ZPBP: variants seen among roughly 807,000 people sequenced by gnomAD.
ZPBP encodes the protein zona pellucida-binding protein 1.
ZPBP carries 26 observed loss-of-function variants against 44.8 expected under a neutral mutation model. The observed-to-expected ratio is 0.58, with a 90% confidence interval of 0.43 to 0.81. ZPBP has a LOEUF of 0.81. Among genes scored for constraint, ZPBP ranks in the 30% least tolerant of loss-of-function variants. ZPBP has a pLI of 0.00. For synonymous variants in ZPBP, 174 were observed against 153.2 expected, an observed-to-expected ratio of 1.14 and a Z score of -1.00; for missense variants, 409 against 434.0, an observed-to-expected ratio of 0.94 and a Z score of 0.51.
chr7:50,088,868 T>G (rs564295623), intron 2 of ZPBP, among the ~76,000 whole-genome samples: 1 of 138,252 alleles, frequency 7.2e-6, no homozygotes, highest in South Asian at 2.1e-4. Context: ...ATATTAAACA[T>G]AGAGTTACTC....
downstream of ZPBP, among the ~76,000 whole-genome samples, chr7:49,936,990 T>C (rs1338061020): frequency 6.6e-6 from 1 of 152,180 alleles, no homozygotes; most frequent in Non-Finnish European, 1.5e-5. Flanking sequence ...TTTAAGATAG[T>C]CACACTGAAC....
At chr7:50,028,201 G>T (rs940019701) in intron 5 of ZPBP, among the ~76,000 whole-genome samples, 1 of 151,768 alleles carries the variant, frequency 6.6e-6, no homozygotes, top group Non-Finnish European at 1.5e-5. Flanking sequence ...ACCAAGTGGG[G>T]TATAATCCAG....
At chr7:49,965,173 A>G (rs1371040288) in intron 7 of ZPBP, among the ~76,000 whole-genome samples, 1 of 152,132 alleles carries the variant, frequency 6.6e-6, no homozygotes, top group Non-Finnish European at 1.5e-5. Context: ...AATGTGTGCA[A>G]AAACAAAGGA....
chr7:50,032,491 A>G (rs968375131), intron 4 of ZPBP, among the ~76,000 whole-genome samples: 1 of 152,152 alleles, frequency 6.6e-6, no homozygotes, highest in Non-Finnish European at 1.5e-5. Context: ...TCTCTGAAAC[A>G]CTGTATCAAA....
At chr7:50,069,427 C>A (rs1310852144) in intron 3 of ZPBP, among the ~76,000 whole-genome samples, 1 of 152,154 alleles carries the variant, frequency 6.6e-6, no homozygotes, top group Non-Finnish European at 1.5e-5. Flanking sequence ...AAGCATTTTA[C>A]AATAAACTGC....
chr7:50,077,581 CA>C (rs1254057230), intron 3 of ZPBP, among the ~76,000 whole-genome samples: 3 of 151,682 alleles, frequency 2.0e-5, no homozygotes, highest in Admixed American at 6.6e-5. Flanking sequence ...AGAAAATTGG[CA>C]AAAGATGTGA....
chr7:49,974,617 A>G (rs1463004043), intron 7 of ZPBP, among the ~76,000 whole-genome samples: 1 of 152,148 alleles, frequency 6.6e-6, no homozygotes, highest in Non-Finnish European at 1.5e-5. Flanking sequence ...GAGTAGAATT[A>G]TAATCAATAA....
chr7:49,905,012 G>A (rs1793010788), intron 1 of ZPBP, among the ~76,000 whole-genome samples: 1 of 152,120 alleles, frequency 6.6e-6, no homozygotes, highest in African/African-American at 2.4e-5. Context: ...GGGATTAGAG[G>A]TGTGAGCCAT....
intron 1 of ZPBP, chr7:49,920,418 A>T (rs1486110243): frequency 6.6e-6 from 1 of 152,168 alleles, no homozygotes; most frequent in East Asian, 1.9e-4. Flanking sequence ...ATTTGCTGTG[A>T]TAGGAAAGGT....
rs1392351872 is a variant in ZPBP, at chr7:49,977,033, C to T, written c.961+6309G>A. ...AGGAGAAGGGCGTGAACCCAGGAGACGGAGCTTGCAGTGAGCCGAGATCCC... is the reference window on the plus strand; with the variant it reads ...AGGAGAAGGGCGTGAACCCAGGAGATGGAGCTTGCAGTGAGCCGAGATCCC... On this transcript the variant is annotated intron_variant, in intron 7 of 7. Transcript: ENST00000046087. Among the ~76,000 whole-genome samples the T allele has an allele frequency of 4.0e-5, 6 of 151,822 alleles. No homozygotes were observed. The East Asian group carries it at 1.2e-3, about 29-fold the overall frequency.
intron 7 of ZPBP, among the ~76,000 whole-genome samples, chr7:49,947,657 C>T (rs1007137995): frequency 2.6e-5 from 4 of 152,230 alleles, no homozygotes; most frequent in Admixed American, 6.5e-5. Context: ...CTGGGTCAGA[C>T]CTGAAGCCAG....
intron 2 of ZPBP, among the ~76,000 whole-genome samples, chr7:49,878,170 T>C (rs1205273459): frequency 6.6e-6 from 1 of 152,122 alleles, no homozygotes; most frequent in Non-Finnish European, 1.5e-5. Flanking sequence ...CAGATCACCT[T>C]ACCTCCAAAC....
At chr7:50,048,480 T>C (rs1800502694) in intron 4 of ZPBP, among the ~76,000 whole-genome samples, 1 of 151,994 alleles carries the variant, frequency 6.6e-6, no homozygotes. Flanking sequence ...CCATAAACCT[T>C]TGAAATAATC....
chr7:50,066,794 T>C (rs1221794573), intron 3 of ZPBP, among the ~76,000 whole-genome samples: 1 of 152,198 alleles, frequency 6.6e-6, no homozygotes, highest in East Asian at 1.9e-4. Context: ...GCTTCAGCCA[T>C]GCATAGACTG....
chr7:49,963,780 T>C (rs1014340230), intron 7 of ZPBP, among the ~76,000 whole-genome samples: 5 of 151,884 alleles, frequency 3.3e-5, no homozygotes, highest in Admixed American at 6.6e-5. Context: ...TTTGATTTCA[T>C]TGGTGAATTC....
At chr7:49,936,579 G>A (rs1389731905), downstream of ZPBP, among the ~76,000 whole-genome samples, 1 of 152,068 alleles carries the variant, frequency 6.6e-6, no homozygotes, top group Admixed American at 6.5e-5. Flanking sequence ...AATATGAAGA[G>A]CAAAACAGTG....
At chr7:50,014,973 T>G (rs1406582887) in intron 6 of ZPBP, among the ~76,000 whole-genome samples, 2 of 152,104 alleles carry the variant, frequency 1.3e-5, no homozygotes, top group Non-Finnish European at 2.9e-5. Flanking sequence ...AGACCAACAA[T>G]GAGACAAATA....
At chr7:50,026,090 C>T (rs1799311793) in intron 5 of ZPBP, among the ~76,000 whole-genome samples, 1 of 151,726 alleles carries the variant, frequency 6.6e-6, no homozygotes, top group African/African-American at 2.4e-5. Context: ...TTGCTGGAAA[C>T]ACACTACTCT....
At chr7:49,904,715 A>G (rs1792986339) in intron 1 of ZPBP, among the ~76,000 whole-genome samples, 1 of 150,966 alleles carries the variant, frequency 6.6e-6, no homozygotes, top group South Asian at 2.1e-4. Flanking sequence ...GCAGGAAAAA[A>G]TAGCAACATA....
Sources: allele counts gnomAD v4.1 joint callset (sites outside exome capture counted in the v4.1 genomes callset), GRCh38; gene constraint gnomAD v4.1.1; transcripts MANE v1.5; gene names NCBI Gene and HGNC (gene_info 2026-07-23, HGNC 2026-07-21).